DAPK1: variants seen among roughly 807,000 people sequenced by gnomAD.
DAPK1 encodes death associated protein kinase 1.
In DAPK1, 56 loss-of-function variants were observed where a neutral mutation model predicts 144.9. That is an observed-to-expected ratio of 0.39 (90% CI 0.31 to 0.48). The LOEUF is 0.48. Ranked by LOEUF, DAPK1 falls within the 20% of genes least tolerant of loss-of-function variation. The pLI is 0.95. For synonymous variants in DAPK1, 690 were observed against 749.0 expected, an observed-to-expected ratio of 0.92 and a Z score of 1.29; for missense variants, 1,454 against 1,875.4, an observed-to-expected ratio of 0.78 and a Z score of 4.15.
intron 1 of DAPK1, 189 bp from the exon 2 acceptor site, chr9:87,498,781 G>A (rs1368406868): frequency 1.1e-5 from 5 of 435,706 alleles, no homozygotes; most frequent in Non-Finnish European, 2.0e-5. Flanking sequence ...CCACGCGCGC[G>A]CGGGGCTGAG....
At chr9:87,646,709 C>A (rs892390385) in intron 13 of DAPK1, 150 bp downstream of exon 13, 13 of 616,524 alleles carry the variant, frequency 2.1e-5, no homozygotes, top group Non-Finnish European at 3.4e-5. Flanking sequence ...CAGCTTGGTA[C>A]AGCCTGACAC....
At chr9:87,521,657 T>C (rs1587683929) in intron 2 of DAPK1, among the ~76,000 whole-genome samples, 1 of 152,348 alleles carries the variant, frequency 6.6e-6, no homozygotes, top group East Asian at 1.9e-4. Flanking sequence ...TAGTGTACTT[T>C]TTTTCCAGCT....
At chr9:87,575,857 G>A (rs894234315) in intron 2 of DAPK1, among the ~76,000 whole-genome samples, 1 of 152,074 alleles carries the variant, frequency 6.6e-6, no homozygotes, top group African/African-American at 2.4e-5. Flanking sequence ...AACAACCCTC[G>A]CATTCTCAGG....
At chr9:87,542,979 A>G (rs1181643961) in intron 2 of DAPK1, among the ~76,000 whole-genome samples, 1 of 152,260 alleles carries the variant, frequency 6.6e-6, no homozygotes, top group Admixed American at 6.5e-5. Context: ...AGCGTACTAT[A>G]GACTGCATGG....
chr9:87,541,041 C>T (rs891323942), intron 2 of DAPK1, among the ~76,000 whole-genome samples: 1 of 152,174 alleles, frequency 6.6e-6, no homozygotes, highest in African/African-American at 2.4e-5. Flanking sequence ...TATGAAAATA[C>T]TTCAGATTCC....
Position 87,640,722 on chromosome 9 carries a change from A to C in DAPK1, c.783-80A>C, listed in dbSNP as rs1830066332. 3 of 1,446,432 alleles carry C rather than the reference A, an allele frequency of 2.1e-6. No individual in the cohort carries two copies. The Admixed American group carries it at 5.0e-5, about 24-fold the overall frequency. The allele number at this position is 1,446,432 out of a possible 1,614,324, so 89.6% of individuals were successfully genotyped here. A position where few individuals can be genotyped will look rare whatever the true frequency, so the allele number is the denominator to read the frequency against. ...GCATTTTCCACAGTATCTGCTTGGC[A>C]GGCCCAGCCAGCATGAAAACAACCT... On this transcript the variant is annotated intron_variant, in intron 8 of 25. Transcript: ENST00000408954.
intron 2 of DAPK1, chr9:87,525,422 C>T (rs1002130213): frequency 7.0e-5 from 112 of 1,610,752 alleles, no homozygotes; most frequent in Non-Finnish European, 9.0e-5. Context: ...CAATATGTGC[C>T]GCCAGTGTTT....
chr9:87,516,090 T>C (rs1825042928), intron 2 of DAPK1, among the ~76,000 whole-genome samples: 1 of 152,216 alleles, frequency 6.6e-6, no homozygotes, highest in Non-Finnish European at 1.5e-5. Flanking sequence ...TGCAGATGAA[T>C]GTGGCCTCTT....
intron 19 of DAPK1, among the ~76,000 whole-genome samples, chr9:87,674,957 A>G (rs1157917313): frequency 6.6e-6 from 1 of 152,250 alleles, no homozygotes; most frequent in African/African-American, 2.4e-5. Flanking sequence ...AGATATTTCC[A>G]GTGTCTACTG....
intron 18 of DAPK1, chr9:87,668,043 T>G (rs1831119540): frequency 6.5e-6 from 1 of 153,430 alleles, no homozygotes; most frequent in Non-Finnish European, 1.5e-5. Flanking sequence ...AAAGCAAGCA[T>G]AAAAGTGCTG....
At chr9:87,689,877 A>G (rs1194866710) in intron 21 of DAPK1, among the ~76,000 whole-genome samples, 2 of 152,150 alleles carry the variant, frequency 1.3e-5, no homozygotes, top group African/African-American at 2.4e-5. Context: ...CTGTTTTTAT[A>G]TCAATACCAT....
chr9:87,653,428 CATAG>C (rs1452321783), intron 17 of DAPK1, among the ~76,000 whole-genome samples: 13 of 152,292 alleles, frequency 8.5e-5, no homozygotes, highest in South Asian at 6.2e-4. Flanking sequence ...TGAATAATTT[CATAG>C]ATAAACAGAA....
chr9:87,503,416 C>T (rs1314724376), intron 2 of DAPK1, among the ~76,000 whole-genome samples: 7 of 152,126 alleles, frequency 4.6e-5, no homozygotes, highest in African/African-American at 9.7e-5. Flanking sequence ...AGGGCAGAGA[C>T]ACTGTGCCTG....
chr9:87,560,526 CT>C (rs1826872770), intron 2 of DAPK1, among the ~76,000 whole-genome samples: 1 of 152,094 alleles, frequency 6.6e-6, no homozygotes, highest in Non-Finnish European at 1.5e-5. Context: ...TATGAGTCTA[CT>C]TTCTGTTTCT....
intron 2 of DAPK1, chr9:87,499,449 C>G: frequency 2.4e-6 from 1 of 419,156 alleles, no homozygotes; most frequent in East Asian, 3.3e-5. Context: ...GACAACAGGA[C>G]AAACACTAAG....
intron 19 of DAPK1, among the ~76,000 whole-genome samples, chr9:87,680,651 A>ATG (rs1554703729): frequency 9.6e-5 from 11 of 114,428 alleles, no homozygotes; most frequent in South Asian, 6.5e-4. Flanking sequence ...ACACACACAC[A>ATG]CGCGCACACA....
At chr9:87,650,859 C>T (rs540680718) in intron 16 of DAPK1, among the ~76,000 whole-genome samples, 2 of 152,304 alleles carry the variant, frequency 1.3e-5, no homozygotes, top group South Asian at 4.1e-4. Context: ...GCTCACAGAG[C>T]AGCCCCCTCG....
chr9:87,627,284 G>A, intron 3 of DAPK1, among the ~76,000 whole-genome samples: 1 of 152,314 alleles, frequency 6.6e-6, no homozygotes, highest in Non-Finnish European at 1.5e-5. Context: ...CCTTGCCTAA[G>A]CAGGAAAATG....
chr9:87,500,986 G>T (rs948825297), intron 2 of DAPK1, among the ~76,000 whole-genome samples: 2 of 152,074 alleles, frequency 1.3e-5, no homozygotes, highest in African/African-American at 4.8e-5. Flanking sequence ...TTGTTTTTTG[G>T]AAAATTTTTC....
Sources: allele counts gnomAD v4.1 joint callset (sites outside exome capture counted in the v4.1 genomes callset), GRCh38; gene constraint gnomAD v4.1.1; transcripts MANE v1.5; gene names NCBI Gene and HGNC (gene_info 2026-07-23, HGNC 2026-07-21).